The following AAK1 variants were observed in gnomAD, a reference collection of about 807,000 sequenced individuals.
AAK1 encodes the protein AP2 associated kinase 1, also known as AP2-associated protein kinase 1.
A neutral mutation model predicts 116.0 loss-of-function variants in AAK1; 37 were observed. That is an observed-to-expected ratio of 0.32 (90% CI 0.25 to 0.42). AAK1 has a LOEUF of 0.42. Ranked by LOEUF, AAK1 falls within the 10% of genes least tolerant of loss-of-function variation. The probability of loss-of-function intolerance (pLI) is 1.00; values close to 1 mark genes in which losing one functional copy is unlikely to be tolerated. For synonymous variants in AAK1, 458 were observed against 439.9 expected, an observed-to-expected ratio of 1.04 and a Z score of -0.51; for missense variants, 919 against 1,170.6, an observed-to-expected ratio of 0.79 and a Z score of 3.14.
In AAK1 at chr2:69,559,262, T is replaced by TCACACA. The variant is rs375580392; in HGVS notation, c.164-2290_164-2285dup. On this transcript the variant is annotated intron_variant, in intron 2 of 21. Coordinates refer to ENST00000409085, the MANE Select transcript of AAK1 (RefSeq NM_014911.5). ...GAGGTCTTATCTATCTCTCTCTCTCTCACACACACACACACACACACACAC... is the reference window on the plus strand; with the variant it reads ...GAGGTCTTATCTATCTCTCTCTCTCTCACACACACACACACACACACACACACACAC... Among the ~76,000 whole-genome samples, 442 of 127,254 alleles carry TCACACA rather than the reference T, an allele frequency of 3.5e-3. 1 individual carries two copies. Among genetic ancestry groups the TCACACA allele is most frequent in the Non-Finnish European group, 4.1e-3 (246 of 60,068 alleles). 83.5% of individuals were successfully genotyped at this position (127,254 alleles called of 152,430 possible). A position where few individuals can be genotyped will look rare whatever the true frequency, so the allele number is the denominator to read the frequency against.
intron 2 of AAK1, among the ~76,000 whole-genome samples, chr2:69,593,487 T>G (rs1673124903): frequency 6.6e-6 from 1 of 151,666 alleles, no homozygotes; most frequent in African/African-American, 2.4e-5. Flanking sequence ...ATTTGGTATA[T>G]ATATTATATA....
chr2:69,533,358 T>G (rs756033706), intron 5 of AAK1, among the ~76,000 whole-genome samples: 1 of 152,184 alleles, frequency 6.6e-6, no homozygotes, highest in Non-Finnish European at 1.5e-5. Context: ...AGGCGCAAGA[T>G]AGGAGCCACC....
chr2:69,635,069 A>T (rs13399158), intron 2 of AAK1, among the ~76,000 whole-genome samples: 17,764 of 152,196 alleles, frequency 0.12, 2,332 homozygotes, highest in African/African-American at 0.31. Flanking sequence ...CATGTATCTG[A>T]TAAGGAATTG....
chr2:69,519,225 G>T lies in AAK1; in HGVS notation c.1226C>A (p.Pro409His). Reference protein sequence around the residue: ...PPQAAGSSNQPGLLASVPQPK... With the variant: ...PPQAAGSSNQHGLLASVPQPK... Reference sequence around the variant, plus strand: ...TTGGGGAACACTGGCTAAAAGGCCAGGCTGATTGCTGGATCCTGCAATGAG... The same window carrying T: ...TTGGGGAACACTGGCTAAAAGGCCATGCTGATTGCTGGATCCTGCAATGAG... The change falls in exon 12 of 22, where the codon CCT (proline) becomes CAT (histidine). Residue 409 changes from proline (P) to histidine (H), a missense_variant. This residue lies in a region of AAK1 where 214 missense variants were observed against 210.6 expected (regional missense o/e 1.02). Transcript: ENST00000409085. The T allele has an allele frequency of 6.3e-7, 1 of 1,581,968 alleles. No homozygotes were observed.
In AAK1 at chr2:69,467,603, A is replaced by G. The variant is rs959108440; in HGVS notation, c.*8266T>C. Reference sequence around the variant, plus strand: ...TTTCCCAACCCACCAGGATAAGAATATTAGATACAATGATTTGGAGCCATA... The same window carrying G: ...TTTCCCAACCCACCAGGATAAGAATGTTAGATACAATGATTTGGAGCCATA... On this transcript the variant is annotated 3_prime_UTR_variant, in exon 22 of 22. Transcript: ENST00000409085. 3 of 985,258 alleles carry G rather than the reference A, an allele frequency of 3.0e-6. No homozygotes were observed. The highest frequency in any genetic ancestry group is 4.7e-5 in the South Asian group (1 of 21,290). The allele number at this position is 985,258 out of a possible 1,614,324, so 61.0% of individuals were successfully genotyped here.
Position 69,496,065 on chromosome 2 carries a change from C to A in AAK1, c.2285G>T (p.Gly762Val). 6.4e-7 allele frequency: 1 copy of A among 1,554,388 alleles called. No individual in the cohort carries two copies. The highest frequency in any genetic ancestry group is 2.4e-5 in the East Asian group (1 of 41,208). ...GAGGCCAGAGTCCACAGTCTGCCCA[C>A]CCTTCCTTTTTTCAGCTGGAGTTAG... ...FSAGTAEKRKGGQTVDSGLPL... is the reference protein window; with the variant it reads ...FSAGTAEKRKVGQTVDSGLPL... Residue 762 changes from glycine to valine, a missense_variant, in exon 17 of 22, where the codon GGT becomes GTT. Coordinates refer to ENST00000409085, the MANE Select transcript of AAK1 (RefSeq NM_014911.5).
At chr2:69,633,209 A>G (rs1163359099) in intron 2 of AAK1, among the ~76,000 whole-genome samples, 1 of 125,724 alleles carries the variant, frequency 8.0e-6, no homozygotes, top group African/African-American at 3.3e-5. Context: ...ACAGAGTGAG[A>G]CTCTGTTTCA....
chr2:69,479,194 A>G (rs1482762962), intron 19 of AAK1, 133 bp from the exon 20 acceptor site: 1 of 634,494 alleles, frequency 1.6e-6, no homozygotes, highest in Non-Finnish European at 2.7e-6. Flanking sequence ...GCGGGAGAAT[A>G]AAAACCAAAA....
chr2:69,519,465 T>G (rs950814522), intron 11 of AAK1, among the ~76,000 whole-genome samples: 31 of 152,340 alleles, frequency 2.0e-4, no homozygotes, highest in African/African-American at 7.5e-4. Flanking sequence ...CAATATTGCC[T>G]CCTTAAGAAA....
chr2:69,531,692 GGTT>G, intron 6 of AAK1: 1 of 1,026,626 alleles, frequency 9.7e-7, no homozygotes, highest in Non-Finnish European at 1.2e-6. Context: ...ATAATGTCAT[GGTT>G]GTTGTGATCA....
Position 69,485,548 on chromosome 2 carries a change from C to T in AAK1, c.2366-2736G>A, listed in dbSNP as rs141728702. Among the ~76,000 whole-genome samples the T allele has an allele frequency of 4.6e-4, 70 of 152,290 alleles. 1 individual carries two copies. The East Asian group carries it at 0.013, about 28-fold the overall frequency. On this transcript the variant is annotated intron_variant, in intron 17 of 21. Coordinates refer to ENST00000409085, the MANE Select transcript of AAK1 (RefSeq NM_014911.5). ...AGCATGACTGAAGGTAAGGAAGGGT[C>T]TTACGAACCTTTGTATCCCAGTTCT... is the stretch of plus-strand genomic sequence containing the variant.
chr2:69,535,443 CACA>C (rs770697716), intron 5 of AAK1, among the ~76,000 whole-genome samples: 2 of 152,234 alleles, frequency 1.3e-5, no homozygotes, highest in African/African-American at 4.8e-5. Flanking sequence ...AGGCTGTGAA[CACA>C]ACAAGGTCTA....
rs1168063416 is a variant in AAK1, at chr2:69,548,470, CT to C, written c.283-3927del. Among the ~76,000 whole-genome samples the C allele has an allele frequency of 5.5e-5, 8 of 145,800 alleles. No individual in the cohort carries two copies. The East Asian group carries it at 1.5e-3, about 28-fold the overall frequency. ...TTTCTATCTTTCCTTCTTTTTCTTT[CT>C]TTTTTCCTTTCTTTTTCTTTCTCTC... On this transcript the variant is annotated intron_variant, in intron 3 of 21. Coordinates refer to ENST00000409085, the MANE Select transcript of AAK1 (RefSeq NM_014911.5).
At position 69,541,728 on chromosome 2, in the gene AAK1, CA is replaced by C. The variant is rs1171526041; in HGVS notation, c.534+794del. ...TGATGTCACTACCAAAATTTTGGCCCAAGAGATTCAGTGTGGAACCTACCAG... is the reference window on the plus strand; with the variant it reads ...TGATGTCACTACCAAAATTTTGGCCCAGAGATTCAGTGTGGAACCTACCAG... On this transcript the variant is annotated intron_variant, in intron 5 of 21. Coordinates refer to ENST00000409085, the MANE Select transcript of AAK1 (RefSeq NM_014911.5). 5.3e-5 allele frequency among the ~76,000 whole-genome samples: 8 copies of C among 152,014 alleles called. 1 individual carries two copies. Among genetic ancestry groups the C allele is most frequent in the Non-Finnish European group, 1.2e-4 (8 of 68,020 alleles).
Position 69,506,868 on chromosome 2 carries a change from C to CTGTGTGTGTGTG in AAK1, c.2164+541_2164+552dup, listed in dbSNP as rs10531990. 3.2e-3 allele frequency among the ~76,000 whole-genome samples: 471 copies of CTGTGTGTGTGTG among 149,336 alleles called. 1 individual carries two copies. Among genetic ancestry groups the CTGTGTGTGTGTG allele is most frequent in the African/African-American group, 0.011 (432 of 40,532 alleles). ...TTTGTTCCAAAGTGTGTGCATGTGC[C>CTGTGTGTGTGTG]TGTGTGTGTGTGTGTGTGTGTGTGT... On this transcript the variant is annotated intron_variant, in intron 15 of 21. Transcript: ENST00000409085.
intron 3 of AAK1, among the ~76,000 whole-genome samples, chr2:69,553,449 T>G (rs1004606951): frequency 1.4e-5 from 2 of 138,370 alleles, no homozygotes; most frequent in African/African-American, 2.8e-5. Context: ...TTTTTTTTTT[T>G]TTTTTTTTTT....
At chr2:69,522,055 A>G (rs974334322) in intron 10 of AAK1, among the ~76,000 whole-genome samples, 1 of 152,212 alleles carries the variant, frequency 6.6e-6, no homozygotes, top group East Asian at 1.9e-4. Flanking sequence ...TCAAACTAAT[A>G]TAGGGAAGAC....
Position 69,472,874 on chromosome 2 carries a change from C to CT in AAK1, c.*2994dup. On this transcript the variant is annotated 3_prime_UTR_variant, in exon 22 of 22. Transcript: ENST00000409085. ...CTGTAATACTTAAAAAGGAAAATCT[C>CT]TAAGATTATGATTTAGGCTTCTATT... The CT allele has an allele frequency of 8.1e-6, 8 of 985,730 alleles. No homozygotes were observed. Among genetic ancestry groups the CT allele is most frequent in the Non-Finnish European group, 9.6e-6 (8 of 829,848 alleles). The allele number at this position is 985,730 out of a possible 1,614,324, so 61.1% of individuals were successfully genotyped here.
chr2:69,571,798 CA>C (rs1672102832), intron 2 of AAK1, among the ~76,000 whole-genome samples: 1 of 152,164 alleles, frequency 6.6e-6, no homozygotes, highest in Admixed American at 6.5e-5. Context: ...GAGAAGTGGA[CA>C]GGGGTACATG....
Sources: gnomAD v4.1 joint callset for allele counts (sites outside exome capture counted in the v4.1 genomes callset) on GRCh38, gnomAD v4.1.1 for gene constraint, gnomAD v4.1.1 regional missense constraint, MANE v1.5 for transcripts, NCBI Gene and HGNC (gene_info 2026-07-23, HGNC 2026-07-21) for gene names.